The following PSTPIP2 variants were observed in gnomAD, a reference collection of about 807,000 sequenced individuals.
PSTPIP2 encodes the protein proline-serine-threonine phosphatase interacting protein 2.
Under a neutral mutation model 63.3 loss-of-function variants are expected in PSTPIP2, and 33 were observed. That is an observed-to-expected ratio of 0.52 (90% confidence interval 0.40 to 0.70). The LOEUF is 0.70. Among genes scored for constraint, PSTPIP2 ranks in the 30% least tolerant of loss-of-function variants. PSTPIP2 has a pLI of 0.00. For synonymous variants in PSTPIP2, 125 were observed against 132.7 expected (o/e 0.94, Z 0.40); for missense variants, 312 against 400.7 (o/e 0.78, Z 1.89).
intron 1 of PSTPIP2, among the ~76,000 whole-genome samples, chr18:46,047,658 C>A (rs922101761): frequency 6.6e-6 from 1 of 152,058 alleles, no homozygotes; most frequent in South Asian, 2.1e-4. Context: ...CCTTTGCACT[C>A]CAGCCTGGGC....
intron 1 of PSTPIP2, among the ~76,000 whole-genome samples, chr18:46,049,923 G>A (rs1908529783): frequency 6.6e-6 from 1 of 152,008 alleles, no homozygotes; most frequent in Non-Finnish European, 1.5e-5. Context: ...TCTCAAGTGG[G>A]TAAGAGATAT....
In PSTPIP2 at chr18:46,004,983, G is replaced by A. The variant is rs555463632; in HGVS notation, c.417+486C>T. Among the ~76,000 whole-genome samples, 5 of 152,252 alleles carry A rather than the reference G, an allele frequency of 3.3e-5. No homozygotes were observed. The East Asian group carries it at 7.7e-4, about 24-fold the overall frequency. On this transcript the variant is annotated intron_variant, in intron 6 of 14. Coordinates refer to ENST00000409746, the MANE Select transcript of PSTPIP2 (RefSeq NM_024430.4). The stretch of plus-strand genomic sequence containing the variant: ...CTAAATGCCAATCAATGACAGACTG[G>A]ATAAAGAATATGTGGTACATATACA...
At chr18:46,032,912 G>A (rs1486506224) in intron 2 of PSTPIP2, among the ~76,000 whole-genome samples, 1 of 152,182 alleles carries the variant, frequency 6.6e-6, no homozygotes, top group African/African-American at 2.4e-5. Context: ...CAAAATCAGA[G>A]TGAACTGAAA....
intron 4 of PSTPIP2, among the ~76,000 whole-genome samples, chr18:46,015,000 A>T (rs1232625670): frequency 1.3e-5 from 2 of 152,166 alleles, no homozygotes; most frequent in Non-Finnish European, 2.9e-5. Context: ...ATGGAAAGGG[A>T]CAGAGAAGTA....
At chr18:46,027,936 G>A (rs1907641099) in intron 2 of PSTPIP2, among the ~76,000 whole-genome samples, 2 of 152,182 alleles carry the variant, frequency 1.3e-5, no homozygotes, top group Admixed American at 1.3e-4. Context: ...CAAGGCAGGC[G>A]GATCAGTTGA....
chr18:45,990,603 T>A, intron 13 of PSTPIP2, 119 bp downstream of exon 13: 1 of 810,924 alleles, frequency 1.2e-6, no homozygotes, highest in Non-Finnish European at 1.9e-6. Context: ...CTAATTTTTG[T>A]ATTTTTAGTG....
At chr18:46,020,509 C>T (rs1907307589) in intron 3 of PSTPIP2, among the ~76,000 whole-genome samples, 1 of 152,114 alleles carries the variant, frequency 6.6e-6, no homozygotes, top group African/African-American at 2.4e-5. Flanking sequence ...AAAAATTAGC[C>T]AGGTGGGGTG....
At chr18:46,022,775 G>A (rs1436565396) in intron 3 of PSTPIP2, among the ~76,000 whole-genome samples, 2 of 152,054 alleles carry the variant, frequency 1.3e-5, no homozygotes, top group Non-Finnish European at 2.9e-5. Context: ...TATATTAAAT[G>A]AATGACTGAA....
At chr18:46,011,368 T>C (rs2051795118) in intron 4 of PSTPIP2, 81 bp from the exon 5 acceptor site, 2 of 1,134,674 alleles carry the variant, frequency 1.8e-6, no homozygotes, top group Non-Finnish European at 2.5e-6. Context: ...AATAAATATG[T>C]ATATACAAAA....
At chr18:46,003,577 A>AT (rs1021694289) in intron 6 of PSTPIP2, among the ~76,000 whole-genome samples, 11 of 150,998 alleles carry the variant, frequency 7.3e-5, no homozygotes, top group South Asian at 2.1e-4. Flanking sequence ...CTTTTTATTT[A>AT]TTTTTTTTAT....
intron 1 of PSTPIP2, 120 bp from the exon 2 acceptor site, chr18:46,040,167 T>C (rs1423427918): frequency 4.1e-6 from 3 of 738,008 alleles, no homozygotes; most frequent in Admixed American, 3.1e-5. Context: ...CACTTTGAGA[T>C]GGCGCAGGGA....
chr18:45,994,825 AG>A (rs2051577041), intron 9 of PSTPIP2, among the ~76,000 whole-genome samples: 1 of 152,108 alleles, frequency 6.6e-6, no homozygotes. Flanking sequence ...TATATAACAT[AG>A]TATAATAATT....
intron 1 of PSTPIP2, among the ~76,000 whole-genome samples, chr18:46,050,867 T>G (rs1308202277): frequency 2.1e-5 from 3 of 140,618 alleles, no homozygotes; most frequent in African/African-American, 8.1e-5. Flanking sequence ...GTGTGCATTC[T>G]TTTTTTTTTT....
intron 2 of PSTPIP2, chr18:46,028,414 A>G (rs1907669677): frequency 1.9e-6 from 1 of 535,564 alleles, no homozygotes; most frequent in Admixed American, 2.3e-5. Flanking sequence ...GGAAGAGGAG[A>G]GACGGCTCCG....
chr18:46,064,359 T>G (rs1233395707), intron 1 of PSTPIP2, among the ~76,000 whole-genome samples: 1 of 140,056 alleles, frequency 7.1e-6, no homozygotes, highest in Non-Finnish European at 1.5e-5. Flanking sequence ...GGAGTGACCT[T>G]GGCTCACTGC....
chr18:46,070,259 C>A (rs369339701), intron 1 of PSTPIP2, among the ~76,000 whole-genome samples: 1 of 152,196 alleles, frequency 6.6e-6, no homozygotes, highest in Non-Finnish European at 1.5e-5. Context: ...TGTCACCCAC[C>A]AGACATTAGA....
intron 4 of PSTPIP2, among the ~76,000 whole-genome samples, chr18:46,012,521 T>A (rs1214873783): frequency 6.6e-6 from 1 of 152,218 alleles, no homozygotes; most frequent in Non-Finnish European, 1.5e-5. Context: ...ACGCCTGTAA[T>A]CCCAGCACTT....
In PSTPIP2 at chr18:45,991,286, G is replaced by A. The variant is rs575877626; in HGVS notation, c.921-530C>T. On this transcript the variant is annotated intron_variant, in intron 12 of 14. Transcript: ENST00000409746. ...ATGTCAAACAGAAGTTTCTCTTTCC[G>A]CAGGATCCTTTACATGAACGGCAGC... 1.5e-4 allele frequency among the ~76,000 whole-genome samples: 23 copies of A among 152,206 alleles called. No individual in the cohort carries two copies. The East Asian group carries it at 1.9e-3, about 13-fold the overall frequency.
At chr18:46,070,416 G>C (rs558640647) in intron 1 of PSTPIP2, among the ~76,000 whole-genome samples, 4 of 152,212 alleles carry the variant, frequency 2.6e-5, no homozygotes, top group Non-Finnish European at 5.9e-5. Flanking sequence ...AGGGGTGGAG[G>C]CTGGTGGGGA....
Sources: gnomAD v4.1 joint callset for allele counts (sites outside exome capture counted in the v4.1 genomes callset) on GRCh38, gnomAD v4.1.1 for gene constraint, MANE v1.5 for transcripts, NCBI Gene and HGNC (gene_info 2026-07-23, HGNC 2026-07-21) for gene names.